PRPF8: variants seen among roughly 807,000 people sequenced by gnomAD.
PRPF8 encodes pre-mRNA-processing-splicing factor 8.
A neutral mutation model predicts 285.9 loss-of-function variants in PRPF8; 64 were observed. That is an observed-to-expected ratio of 0.22 (90% CI 0.18 to 0.28). The LOEUF (loss-of-function observed/expected upper bound fraction) is 0.28, where lower values mean the gene tolerates loss of function less well. PRPF8 is among the 10% of genes least tolerant of loss of function. The probability of loss-of-function intolerance (pLI) is 1.00; values close to 1 mark genes in which losing one functional copy is unlikely to be tolerated. For synonymous variants in PRPF8, 1,325 were observed against 1,118.2 expected (o/e 1.18, Z -3.69); for missense variants, 1,426 against 3,026.7 (o/e 0.47, Z 12.41).
At position 1,651,973 on chromosome 17, in the gene PRPF8, G is replaced by A. The variant is rs998193915; in HGVS notation, c.6370-185C>T. On this transcript the variant is annotated intron_variant, in intron 39 of 42. Transcript: ENST00000304992. The surrounding 1 kb of genome is among the most constrained non-coding windows in gnomAD (Gnocchi z 5.1). ...AAATGTTAGACATGGACCTCATCGC[G>A]GACTTACCACATCAGAATCTCCTGA... The A allele has an allele frequency of 1.6e-5, 12 of 738,568 alleles. No homozygotes were observed. Among genetic ancestry groups the A allele is most frequent in the Admixed American group, 1.1e-4 (5 of 47,610 alleles). The allele number at this position is 738,568 out of a possible 1,614,324, so 45.8% of individuals were successfully genotyped here.
chr17:1,652,862 G>C (rs1264686521), intron 39 of PRPF8: 1 of 158,890 alleles, frequency 6.3e-6, no homozygotes, highest in African/African-American at 2.4e-5. Flanking sequence ...GAGTGCAGTG[G>C]GGTCATCAAA....
chr17:1,661,568 A>ACTGCCC lies in PRPF8; in HGVS notation c.4202+37_4202+42dup, dbSNP rs1567680068. Reference sequence around the variant, plus strand: ...AACTCCACACGGTTCAAAGGCCACCACTGCCCCTGCCCCAGGGTTGGCATG... The same window carrying ACTGCCC: ...AACTCCACACGGTTCAAAGGCCACCACTGCCCCTGCCCCTGCCCCAGGGTTGGCATG... On this transcript the variant is annotated intron_variant, in intron 26 of 42. Coordinates refer to ENST00000304992, the MANE Select transcript of PRPF8 (RefSeq NM_006445.4). This position sits in a 1 kb window ranked among gnomAD's most constrained non-coding sequence, Gnocchi z 7.3. 2 of 1,611,894 alleles carry ACTGCCC rather than the reference A, an allele frequency of 1.2e-6. No homozygotes were observed. The highest frequency in any genetic ancestry group is 1.7e-6 in the Non-Finnish European group (2 of 1,179,808).
intron 8 of PRPF8, chr17:1,680,436 T>G (rs1423691874): frequency 3.9e-5 from 20 of 513,856 alleles, no homozygotes; most frequent in Non-Finnish European, 7.0e-5. Flanking sequence ...TAACTACATC[T>G]CAATATAAAG....
chr17:1,652,994 T>A (rs1311999770), intron 39 of PRPF8: 3 of 199,510 alleles, frequency 1.5e-5, no homozygotes, highest in Admixed American at 5.3e-5. Flanking sequence ...AGTGCAGTGA[T>A]GCAATCTTGG....
At position 1,684,787 on chromosome 17, in the gene PRPF8, G is replaced by C; in HGVS notation, c.-19C>G. ...TAAACGCCTGCCACGCACCCCACAG[G>C]CCCTCACACAAGAGGCCGCTTTCCC... is the stretch of plus-strand genomic sequence containing the variant. On this transcript the variant is annotated 5_prime_UTR_variant, in exon 1 of 43. Transcript: ENST00000304992. 1.6e-6 allele frequency: 1 copy of C among 606,520 alleles called. No individual in the cohort carries two copies. The highest frequency in any genetic ancestry group is 1.9e-5 in the South Asian group (1 of 52,154). The allele number at this position is 606,520 out of a possible 1,614,324, so 37.6% of individuals were successfully genotyped here. A position where few individuals can be genotyped will look rare whatever the true frequency, so the allele number is the denominator to read the frequency against.
Position 1,651,908 on chromosome 17 carries a change from C to T in PRPF8, c.6370-120G>A. On this transcript the variant is annotated intron_variant, in intron 39 of 42. Transcript: ENST00000304992. The surrounding 1 kb of genome is among the most constrained non-coding windows in gnomAD (Gnocchi z 5.1). ...AGGACAGAGTTTCTTAAAACGTGAT[C>T]AGAACCCCCTGTATCAGAATCAGCT... is the stretch of plus-strand genomic sequence containing the variant. The T allele has an allele frequency of 7.8e-7, 1 of 1,281,454 alleles. No homozygotes were observed. The highest frequency in any genetic ancestry group is 2.3e-5 in the East Asian group (1 of 43,280). 79.4% of individuals were successfully genotyped at this position (1,281,454 alleles called of 1,614,324 possible). A position where few individuals can be genotyped will look rare whatever the true frequency, so the allele number is the denominator to read the frequency against.
chr17:1,676,138 G>A lies in PRPF8; in HGVS notation c.2552+69C>T. 1 of 1,611,880 alleles carries A rather than the reference G, an allele frequency of 6.2e-7. No homozygotes were observed. Among genetic ancestry groups the A allele is most frequent in the Non-Finnish European group, 8.5e-7 (1 of 1,179,760 alleles). On this transcript the variant is annotated intron_variant, in intron 17 of 42. Coordinates refer to ENST00000304992, the MANE Select transcript of PRPF8 (RefSeq NM_006445.4). This position sits in a 1 kb window ranked among gnomAD's most constrained non-coding sequence, Gnocchi z 6.3. Reference sequence around the variant, plus strand: ...GACTGGGGCTACACCTTCTTTCTTTGGACTCTGAGGATGACGCCATTCCCT... The same window carrying A: ...GACTGGGGCTACACCTTCTTTCTTTAGACTCTGAGGATGACGCCATTCCCT...
rs760439023 is a variant in PRPF8 at position 1,659,203 on chromosome 17, T to C, written c.5138+154A>G. 1.2e-6 allele frequency: 1 copy of C among 854,136 alleles called. No homozygotes were observed. The highest frequency in any genetic ancestry group is 2.6e-5 in the East Asian group (1 of 38,210). 52.9% of individuals were successfully genotyped at this position (854,136 alleles called of 1,614,324 possible). On this transcript the variant is annotated intron_variant, in intron 32 of 42. Transcript: ENST00000304992. This position sits in a 1 kb window ranked among gnomAD's most constrained non-coding sequence, Gnocchi z 5.1. ...ACCACGCCCAGCTAATTTTTTGTAT[T>C]TTGGTAGAGACAGGGTTTCACCATG...
intron 30 of PRPF8, 148 bp downstream of exon 30, chr17:1,660,284 C>CCCT: frequency 6.9e-7 from 1 of 1,447,998 alleles, no homozygotes; most frequent in Non-Finnish European, 9.6e-7. Context: ...CTCTACAGTA[C>CCCT]CCTCTCCCCA....
chr17:1,681,430 G>A (rs751536811), intron 6 of PRPF8, 48 bp downstream of exon 6: 39 of 1,514,170 alleles, frequency 2.6e-5, no homozygotes, highest in Admixed American at 3.3e-5. Flanking sequence ...TCAAGATTAC[G>A]TTTCATTCAA....
rs1427203527 is a variant in PRPF8 at position 1,658,150 on chromosome 17, G to A, written c.5505+103C>T. On this transcript the variant is annotated intron_variant, in intron 34 of 42. Transcript: ENST00000304992. The surrounding 1 kb of genome is among the most constrained non-coding windows in gnomAD (Gnocchi z 4.1). ...TTTTGGGGATAAGTTCAAATGAGAT[G>A]TTCTCAGCCTTTCATCTAATAAACC... is the stretch of plus-strand genomic sequence containing the variant. 25 of 1,551,694 alleles carry A rather than the reference G, an allele frequency of 1.6e-5. No homozygotes were observed. Among genetic ancestry groups the A allele is most frequent in the Non-Finnish European group, 2.1e-5 (24 of 1,132,770 alleles).
chr17:1,682,532 G>A (rs981353807), intron 3 of PRPF8, among the ~76,000 whole-genome samples: 5 of 151,930 alleles, frequency 3.3e-5, no homozygotes, highest in African/African-American at 4.8e-5. Context: ...CTAAATCAAC[G>A]GCTATCCCTC....
In PRPF8 at chr17:1,679,944, C is replaced by A; in HGVS notation, c.1099-145G>T. On this transcript the variant is annotated intron_variant, in intron 8 of 42. Coordinates refer to ENST00000304992, the MANE Select transcript of PRPF8 (RefSeq NM_006445.4). This position sits in a 1 kb window ranked among gnomAD's most constrained non-coding sequence, Gnocchi z 4.7. ...GACAAAAGCAGCCCTGAAGTGCCAGCACAAAGGAAACCAAGACAGCAAAGA... is the reference window on the plus strand; with the variant it reads ...GACAAAAGCAGCCCTGAAGTGCCAGAACAAAGGAAACCAAGACAGCAAAGA... 1.1e-6 allele frequency: 1 copy of A among 951,132 alleles called. No homozygotes were observed. The highest frequency in any genetic ancestry group is 1.3e-5 in the South Asian group (1 of 75,156). 58.9% of individuals were successfully genotyped at this position (951,132 alleles called of 1,614,324 possible). A position where few individuals can be genotyped will look rare whatever the true frequency, so the allele number is the denominator to read the frequency against.
chr17:1,682,284 CTT>C lies in PRPF8; in HGVS notation c.277_278del (p.Lys93ValfsTer38). ...GTTTGAGGACTGCGTGGGGCATGTA[CTT>C]TAGGGCACTGGCACATTAGAAAAAG... ...HDKRVYLGALKYMPHAVLKLL... is the reference protein window; with the variant it reads ...HDKRVYLGALXYMPHAVLKLL... On this transcript the variant is annotated frameshift_variant, in exon 4 of 43. Coordinates refer to ENST00000304992, the MANE Select transcript of PRPF8 (RefSeq NM_006445.4). LOFTEE classifies it high-confidence loss of function. 1 of 1,614,118 alleles carries C rather than the reference CTT, an allele frequency of 6.2e-7. No individual in the cohort carries two copies. Among genetic ancestry groups the C allele is most frequent in the Non-Finnish European group, 8.5e-7 (1 of 1,179,998 alleles).
Position 1,651,824 on chromosome 17 carries a change from T to C in PRPF8, c.6370-36A>G, listed in dbSNP as rs765762426. 6.2e-7 allele frequency: 1 copy of C among 1,610,492 alleles called. No individual in the cohort carries two copies. The highest frequency in any genetic ancestry group is 8.5e-7 in the Non-Finnish European group (1 of 1,177,234). On this transcript the variant is annotated intron_variant, in intron 39 of 42. Coordinates refer to ENST00000304992, the MANE Select transcript of PRPF8 (RefSeq NM_006445.4). The surrounding 1 kb of genome is among the most constrained non-coding windows in gnomAD (Gnocchi z 5.1). Reference sequence around the variant, plus strand: ...AGGGGTCAGGAACCAAAACTCTTCTTAGTACCAGGTCAGAGTTGGAGCTGC... The same window carrying C: ...AGGGGTCAGGAACCAAAACTCTTCTCAGTACCAGGTCAGAGTTGGAGCTGC...
chr17:1,673,594 G>A lies in PRPF8; in HGVS notation c.3447-27C>T, dbSNP rs1317734071. On this transcript the variant is annotated intron_variant, in intron 22 of 42. Coordinates refer to ENST00000304992, the MANE Select transcript of PRPF8 (RefSeq NM_006445.4). This position sits in a 1 kb window ranked among gnomAD's most constrained non-coding sequence, Gnocchi z 5.5. ...TGCCCACAGAGAACACATGGTCACA[G>A]CAGTTTCTTGGAAGGAACTTCCCTT... 3 of 1,613,430 alleles carry A rather than the reference G, an allele frequency of 1.9e-6. No homozygotes were observed. Among genetic ancestry groups the A allele is most frequent in the African/African-American group, 2.7e-5 (2 of 74,888 alleles).
rs189379606 is a variant in PRPF8 at position 1,671,917 on chromosome 17, C to G, written c.3774+1164G>C. Among the ~76,000 whole-genome samples the G allele has an allele frequency of 3.1e-3, 477 of 151,716 alleles. 6 individuals are homozygous for G. The highest frequency in any genetic ancestry group is 0.011 in the African/African-American group (439 of 41,330). The stretch of plus-strand genomic sequence containing the variant: ...CATGGTGGCGTATGCACCTGTGGTC[C>G]CAGATACTTGGGAGGCTGAGGTGTG... On this transcript the variant is annotated intron_variant, in intron 24 of 42. Coordinates refer to ENST00000304992, the MANE Select transcript of PRPF8 (RefSeq NM_006445.4).
At chr17:1,678,956 C>T in intron 11 of PRPF8, 61 bp downstream of exon 11, 1 of 1,613,606 alleles carries the variant, frequency 6.2e-7, no homozygotes, top group Non-Finnish European at 8.5e-7. Context: ...CATCAGTAAC[C>T]AGAGGAAAAC....
Position 1,651,134 on chromosome 17 carries a change from T to G in PRPF8, c.6827A>C (p.Gln2276Pro). ...RFLGFFMVPA[Q>P]SSWNYNFMGV... ...CATGAAGTTGTAGTTCCACGAGGAC[T>G]GGGCAGGGACCATGAAGAAGCCAAG... Residue 2276 changes from glutamine to proline, a missense_variant, in exon 42 of 43, where the codon CAG becomes CCG. Around this residue, in one of 34 missense-constraint regions of PRPF8, gnomAD observed 160 missense variants for 373.7 expected, o/e 0.43. Coordinates refer to ENST00000304992, the MANE Select transcript of PRPF8 (RefSeq NM_006445.4). The surrounding 1 kb of genome is among the most constrained non-coding windows in gnomAD (Gnocchi z 5.1). 2 of 1,614,146 alleles carry G rather than the reference T, an allele frequency of 1.2e-6. No homozygotes were observed. Among genetic ancestry groups the G allele is most frequent in the East Asian group, 2.2e-5 (1 of 44,882 alleles).
Sources: allele counts gnomAD v4.1 joint callset (sites outside exome capture counted in the v4.1 genomes callset), GRCh38; gene constraint gnomAD v4.1.1; regional missense constraint gnomAD v4.1.1; non-coding constraint Gnocchi (gnomAD v3.1); transcripts MANE v1.5; gene names NCBI Gene and HGNC (gene_info 2026-07-23, HGNC 2026-07-21).